The following ESF1 variants were observed in gnomAD, a reference collection of about 807,000 sequenced individuals.
The protein encoded by ESF1 is ESF1 homolog.
ESF1 carries 58 observed loss-of-function variants against 92.0 expected under a neutral mutation model. The observed-to-expected ratio is 0.63, with a 90% CI of 0.51 to 0.78. ESF1 has a LOEUF of 0.78. ESF1 is among the 30% of genes least tolerant of loss of function. The pLI is 0.00. For synonymous variants in ESF1, 321 were observed against 313.7 expected (o/e 1.02, Z -0.24); for missense variants, 922 against 989.1 (o/e 0.93, Z 0.91).
At chr20:13,738,226 A>G (rs2049987942) in intron 9 of ESF1, among the ~76,000 whole-genome samples, 1 of 152,194 alleles carries the variant, frequency 6.6e-6, no homozygotes, top group South Asian at 2.1e-4. Flanking sequence ...CAATCTTTCA[A>G]ATAAAACATA....
chr20:13,747,201 T>C (rs2050055349), intron 9 of ESF1, among the ~76,000 whole-genome samples: 1 of 151,878 alleles, frequency 6.6e-6, no homozygotes, highest in African/African-American at 2.4e-5. Context: ...GGCTACTTCA[T>C]TGGCAGTGTC....
chr20:13,758,571 T>C (rs1051272441), intron 9 of ESF1, among the ~76,000 whole-genome samples: 1 of 152,206 alleles, frequency 6.6e-6, no homozygotes, highest in African/African-American at 2.4e-5. Context: ...CGCAAACATA[T>C]GTTTTATTCC....
intron 9 of ESF1, among the ~76,000 whole-genome samples, chr20:13,745,941 A>T (rs1358793723): frequency 3.3e-5 from 5 of 152,084 alleles, no homozygotes; most frequent in Non-Finnish European, 7.4e-5. Flanking sequence ...GACACTGGTA[A>T]TGTCTGTGGC....
chr20:13,729,006 C>T (rs959333098), intron 10 of ESF1, among the ~76,000 whole-genome samples: 11 of 152,044 alleles, frequency 7.2e-5, no homozygotes, highest in African/African-American at 2.7e-4. Flanking sequence ...TGTCTGTAAT[C>T]CCAGCACTTT....
chr20:13,735,120 G>A (rs890258702), intron 9 of ESF1, among the ~76,000 whole-genome samples: 7 of 152,060 alleles, frequency 4.6e-5, no homozygotes, highest in Non-Finnish European at 7.4e-5. Context: ...CACGTGCACT[G>A]ATTTCCCCCC....
intron 2 of ESF1, among the ~76,000 whole-genome samples, chr20:13,776,502 C>T (rs1254345202): frequency 6.6e-6 from 1 of 152,090 alleles, no homozygotes; most frequent in Non-Finnish European, 1.5e-5. Context: ...AATGGAAATC[C>T]TAACACATGC....
intron 8 of ESF1, among the ~76,000 whole-genome samples, chr20:13,765,715 G>C (rs1390762005): frequency 6.6e-6 from 1 of 152,130 alleles, no homozygotes; most frequent in Non-Finnish European, 1.5e-5. Context: ...AGAAGCCAGG[G>C]AACCTAAGCC....
intron 8 of ESF1, among the ~76,000 whole-genome samples, chr20:13,764,659 G>A (rs985459261): frequency 2.6e-5 from 4 of 151,952 alleles, no homozygotes; most frequent in Admixed American, 1.3e-4. Flanking sequence ...AAAATAAAAC[G>A]TTACTAAGAA....
chr20:13,750,410 C>T lies in ESF1; in HGVS notation c.1828+9282G>A, dbSNP rs368575352. On this transcript the variant is annotated intron_variant, in intron 9 of 13. Coordinates refer to ENST00000617257, the MANE Select transcript of ESF1 (RefSeq NM_001276380.2). ...GTCCCAGCTACTCGGGAGGCTGAGG[C>T]AGGAGAATTGCTTGAACGCGGGAGG... Among the ~76,000 whole-genome samples, 3 of 152,162 alleles carry T rather than the reference C, an allele frequency of 2.0e-5. No homozygotes were observed. The East Asian group carries it at 5.8e-4, about 29-fold the overall frequency.
chr20:13,722,579 G>A lies in ESF1; in HGVS notation c.2039-3595C>T, dbSNP rs955684803. The stretch of plus-strand genomic sequence containing the variant: ...GGAACCACATCTCTAGCTGGGTGTG[G>A]TAGCTCACACCTATAATCCCAGCAC... On this transcript the variant is annotated intron_variant, in intron 11 of 13. Coordinates refer to ENST00000617257, the MANE Select transcript of ESF1 (RefSeq NM_001276380.2). 1.6e-4 allele frequency among the ~76,000 whole-genome samples: 25 copies of A among 152,116 alleles called. 1 individual carries two copies. The highest frequency in any genetic ancestry group is 5.9e-4 in the Admixed American group (9 of 15,274).
chr20:13,715,030 T>C lies in ESF1; in HGVS notation c.2400A>G (p.Lys800=). 1 of 1,614,124 alleles carries C rather than the reference T, an allele frequency of 6.2e-7. No individual in the cohort carries two copies. The highest frequency in any genetic ancestry group is 8.5e-7 in the Non-Finnish European group (1 of 1,180,008). The change falls in exon 14 of 14, where the codon AAA becomes AAG. Residue 800 remains lysine (K), a synonymous_variant. Transcript: ENST00000617257. The part of the protein sequence containing the change: ...LEEKARQRER[K]EQELTQAIKK... ...TTATTGCCTGAGTAAGTTCTTGTTC[T>C]TTCCGTTCTCTTTGCCGGGCCTTCT... is the stretch of plus-strand genomic sequence containing the variant.
chr20:13,733,932 T>C (rs6110024), intron 9 of ESF1, 90 bp from the exon 10 acceptor site: 3 of 1,396,394 alleles, frequency 2.1e-6, no homozygotes, highest in African/African-American at 1.5e-5. Context: ...ATATAATTTA[T>C]GCATATTTAA....
intron 7 of ESF1, among the ~76,000 whole-genome samples, 154 bp from the exon 8 acceptor site, chr20:13,767,078 G>A (rs1979462650): frequency 6.6e-6 from 1 of 152,082 alleles, no homozygotes; most frequent in Admixed American, 6.5e-5. Flanking sequence ...TTAATAAATA[G>A]TATCCTATTT....
chr20:13,747,605 A>AG (rs936659840), intron 9 of ESF1, among the ~76,000 whole-genome samples: 19 of 151,612 alleles, frequency 1.3e-4, no homozygotes, highest in African/African-American at 3.6e-4. Flanking sequence ...AAAAAAAAAA[A>AG]AGAGAGAGAA....
intron 10 of ESF1, among the ~76,000 whole-genome samples, chr20:13,730,703 ATT>A (rs750007187): frequency 2.8e-5 from 4 of 143,560 alleles, no homozygotes; most frequent in African/African-American, 2.6e-5. Context: ...GCTTCTAAGA[ATT>A]TTTTTTTTTT....
intron 11 of ESF1, among the ~76,000 whole-genome samples, chr20:13,722,785 T>A (rs1485400691): frequency 1.3e-5 from 2 of 151,208 alleles, no homozygotes; most frequent in African/African-American, 4.9e-5. Context: ...CCAGGAGAGT[T>A]CGAGGCTGCA....
chr20:13,746,172 C>T (rs1406398753), intron 9 of ESF1, among the ~76,000 whole-genome samples: 1 of 152,114 alleles, frequency 6.6e-6, no homozygotes, highest in East Asian at 1.9e-4. Context: ...ACCATATTGG[C>T]CAGGCTGGTC....
In ESF1 at chr20:13,733,715, T is replaced by C. The variant is rs374932799; in HGVS notation, c.1950+6A>G. On this transcript the variant is annotated splice_donor_region_variant and intron_variant, in intron 10 of 13. Transcript: ENST00000617257. The stretch of plus-strand genomic sequence containing the variant: ...ACAAACATTTGGTCATAATTATCAA[T>C]GATACCTTCTGTTTCCTTTTCAGTC... 5.7e-5 allele frequency: 91 copies of C among 1,609,538 alleles called. No homozygotes were observed. Among genetic ancestry groups the C allele is most frequent in the Non-Finnish European group, 7.5e-5 (88 of 1,178,832 alleles).
intron 5 of ESF1, among the ~76,000 whole-genome samples, chr20:13,772,096 T>TA (rs34368329): frequency 0.016 from 2,330 of 145,958 alleles, 60 homozygotes; most frequent in African/African-American, 0.052. Flanking sequence ...ACCATGATGA[T>TA]AAAAAAAAAA....
Sources: gnomAD v4.1 joint callset for allele counts (sites outside exome capture counted in the v4.1 genomes callset) on GRCh38, gnomAD v4.1.1 for gene constraint, MANE v1.5 for transcripts, NCBI Gene and HGNC (gene_info 2026-07-23, HGNC 2026-07-21) for gene names.